Variants in PPP2R5E observed in about 807,000 individuals in gnomAD.
PPP2R5E encodes the protein protein phosphatase 2 regulatory subunit B'epsilon, also known as serine/threonine-protein phosphatase 2A 56 kDa regulatory subunit epsilon isoform.
Under a neutral mutation model 65.3 loss-of-function variants are expected in PPP2R5E, and 4 were observed. The observed-to-expected ratio is 0.06, with a 90% CI of 0.03 to 0.14. The LOEUF (loss-of-function observed/expected upper bound fraction) is 0.14. Among genes scored for constraint, PPP2R5E ranks in the 10% least tolerant of loss-of-function variants. The pLI is 1.00. For synonymous variants in PPP2R5E, 183 were observed against 187.4 expected (o/e 0.98, Z 0.19); for missense variants, 274 against 556.1 (o/e 0.49, Z 5.10).
rs1472260515 is a variant in PPP2R5E at position 63,476,096 on chromosome 14, A to C, written c.158-22211T>G. Among the ~76,000 whole-genome samples, 3 of 152,316 alleles carry C rather than the reference A, an allele frequency of 2.0e-5. No homozygotes were observed. The East Asian group carries it at 5.8e-4, about 29-fold the overall frequency. ...CATTGATAAACCTAAACAACAACAA[A>C]AAAAGTAAAAGCATTAACACAAGCT... On this transcript the variant is annotated intron_variant, in intron 2 of 13. Transcript: ENST00000337537.
rs1884883294 is a variant in PPP2R5E at position 63,389,497 on chromosome 14, G to C, written c.1074+115C>G. 4 of 1,213,622 alleles carry C rather than the reference G, an allele frequency of 3.3e-6. No individual in the cohort carries two copies. The Admixed American group carries it at 1.2e-4, about 37-fold the overall frequency. 75.2% of individuals were successfully genotyped at this position (1,213,622 alleles called of 1,614,324 possible). On this transcript the variant is annotated intron_variant, in intron 11 of 13. Transcript: ENST00000337537. ...GCCACTATTAAAATTATCATCATGT[G>C]AGGGGATAGCAAATAAACAATAGGT...
At chr14:63,414,216 T>C (rs1886563786) in intron 5 of PPP2R5E, among the ~76,000 whole-genome samples, 1 of 152,140 alleles carries the variant, frequency 6.6e-6, no homozygotes, top group South Asian at 2.1e-4. Context: ...GGAAATGAGA[T>C]CACAAAGGTT....
chr14:63,510,450 A>G (rs1255638), intron 2 of PPP2R5E, among the ~76,000 whole-genome samples: 59,544 of 152,194 alleles, frequency 0.39, 14,576 homozygotes, highest in African/African-American at 0.71. Context: ...ACAACTGTCA[A>G]GTGGTGATAA....
At chr14:63,425,665 T>A (rs1255614) in intron 3 of PPP2R5E, among the ~76,000 whole-genome samples, 1 of 152,258 alleles carries the variant, frequency 6.6e-6, no homozygotes, top group Non-Finnish European at 1.5e-5. Flanking sequence ...AATAACTAAT[T>A]AGGAATATAC....
intron 5 of PPP2R5E, among the ~76,000 whole-genome samples, chr14:63,413,457 G>A (rs1426014712): frequency 2.0e-5 from 3 of 152,148 alleles, no homozygotes; most frequent in African/African-American, 4.8e-5. Flanking sequence ...AAGGCATCAC[G>A]GCATGATGGA....
intron 2 of PPP2R5E, among the ~76,000 whole-genome samples, chr14:63,492,071 T>C (rs1399663572): frequency 6.6e-6 from 1 of 152,062 alleles, no homozygotes; most frequent in Non-Finnish European, 1.5e-5. Context: ...CCAGAAACTT[T>C]CTGTGTTCAC....
At chr14:63,398,294 T>C (rs574186668) in intron 5 of PPP2R5E, among the ~76,000 whole-genome samples, 1 of 152,158 alleles carries the variant, frequency 6.6e-6, no homozygotes, top group Non-Finnish European at 1.5e-5. Context: ...GCCAAAATAC[T>C]CTTGAGGGAA....
At chr14:63,511,816 C>T (rs138944088) in intron 2 of PPP2R5E, among the ~76,000 whole-genome samples, 4 of 152,182 alleles carry the variant, frequency 2.6e-5, no homozygotes, top group East Asian at 3.9e-4. Context: ...TGATGGCTCA[C>T]GTCTGTAATC....
At chr14:63,526,525 T>G (rs1210667003) in intron 2 of PPP2R5E, among the ~76,000 whole-genome samples, 3 of 152,066 alleles carry the variant, frequency 2.0e-5, no homozygotes, top group African/African-American at 7.2e-5. Context: ...TCTCTTTCTC[T>G]TTCTCTCTCT....
rs1566742160 is a variant in PPP2R5E at position 63,493,491 on chromosome 14, T to TGTGCGTGTGTGTGTGC, written c.158-39607_158-39606insGCACACACACACGCAC. ...CCAAATTACCGCGCGCGCGTGTGTGTGTGCGTGTGTGTGGTGGGGGGAGGG... is the reference window on the plus strand; with the variant it reads ...CCAAATTACCGCGCGCGCGTGTGTGTGTGCGTGTGTGTGTGCGTGCGTGTGTGTGGTGGGGGGAGGG... On this transcript the variant is annotated intron_variant, in intron 2 of 13. Coordinates refer to ENST00000337537, the MANE Select transcript of PPP2R5E (RefSeq NM_006246.5). 4.0e-5 allele frequency among the ~76,000 whole-genome samples: 5 copies of TGTGCGTGTGTGTGTGC among 125,732 alleles called. No individual in the cohort carries two copies. The East Asian group carries it at 1.2e-3, about 30-fold the overall frequency. 82.5% of individuals were successfully genotyped at this position (125,732 alleles called of 152,430 possible).
rs576905045 is a variant in PPP2R5E, at chr14:63,415,364, G to T, written c.457-132C>A. On this transcript the variant is annotated intron_variant, in intron 4 of 13. Transcript: ENST00000337537. ...ATTTTAATATCAATCAACAAACCAG[G>T]CCAGCCTTTCTTGTGGCTCACAGTT... 18 of 512,332 alleles carry T rather than the reference G, an allele frequency of 3.5e-5. No homozygotes were observed. In the South Asian group the frequency reaches 8.8e-4, roughly 25 times the overall value. 31.7% of individuals were successfully genotyped at this position (512,332 alleles called of 1,614,324 possible).
rs10553696 is a variant in PPP2R5E at position 63,509,267 on chromosome 14, CTTTTTTTTTTTT to C, written c.157+30250_157+30261del. Among the ~76,000 whole-genome samples the C allele has an allele frequency of 1.4e-3, 146 of 108,064 alleles. 1 individual carries two copies. The highest frequency in any genetic ancestry group is 5.8e-3 in the Middle Eastern group (1 of 172). The allele number at this position is 108,064 out of a possible 152,430, so 70.9% of individuals were successfully genotyped here. On this transcript the variant is annotated intron_variant, in intron 2 of 13. Transcript: ENST00000337537. ...AGAATTACCTTTATTTTAAAATATC[CTTTTTTTTTTTT>C]TTTTTTTTTTTTTGAAACAGGGTCT...
chr14:63,411,471 T>C (rs921344585), intron 5 of PPP2R5E, among the ~76,000 whole-genome samples: 1 of 151,826 alleles, frequency 6.6e-6, no homozygotes, highest in Non-Finnish European at 1.5e-5. Flanking sequence ...ATTGCATTGA[T>C]ATAGTTTGGT....
At position 63,462,312 on chromosome 14, in the gene PPP2R5E, C is replaced by T. The variant is rs58265143; in HGVS notation, c.158-8427G>A. Among the ~76,000 whole-genome samples the T allele has an allele frequency of 2.1e-4, 32 of 152,166 alleles. No individual in the cohort carries two copies. In the South Asian group the frequency reaches 6.2e-3, roughly 30 times the overall value. Reference sequence around the variant, plus strand: ...GTCTCAATCTCCTGACTTCATGATCCGCCCACCTCGGCCTCCCAAAGTGCT... The same window carrying T: ...GTCTCAATCTCCTGACTTCATGATCTGCCCACCTCGGCCTCCCAAAGTGCT... On this transcript the variant is annotated intron_variant, in intron 2 of 13. Coordinates refer to ENST00000337537, the MANE Select transcript of PPP2R5E (RefSeq NM_006246.5).
chr14:63,456,101 T>C (rs966998344), intron 2 of PPP2R5E, among the ~76,000 whole-genome samples: 1 of 152,212 alleles, frequency 6.6e-6, no homozygotes, highest in African/African-American at 2.4e-5. Flanking sequence ...TCGTTACAGG[T>C]CAAAATCTTT....
chr14:63,522,023 C>G (rs887042363), intron 2 of PPP2R5E, among the ~76,000 whole-genome samples: 11 of 142,680 alleles, frequency 7.7e-5, no homozygotes, highest in Admixed American at 1.4e-4. Context: ...GCTGCCATCT[C>G]GGCTCACTGC....
chr14:63,533,862 A>C (rs1893548504), intron 2 of PPP2R5E, among the ~76,000 whole-genome samples: 1 of 151,372 alleles, frequency 6.6e-6, no homozygotes, highest in African/African-American at 2.4e-5. Flanking sequence ...CAGGAGAATC[A>C]CTTGAACCTG....
In PPP2R5E at chr14:63,396,570, A is replaced by C. The variant is rs74353011; in HGVS notation, c.680+16T>G. 5 of 1,610,486 alleles carry C rather than the reference A, an allele frequency of 3.1e-6. No homozygotes were observed. The highest frequency in any genetic ancestry group is 4.2e-6 in the Non-Finnish European group (5 of 1,178,984). ...CAACTTTGCTTCTCCTTCTTCCCCC[A>C]TCACACTCCACTTACCTTAGAAAAA... On this transcript the variant is annotated intron_variant, in intron 6 of 13. Transcript: ENST00000337537.
chr14:63,382,042 C>T lies in PPP2R5E; in HGVS notation c.1304+14G>A, dbSNP rs1884395631. On this transcript the variant is annotated intron_variant, in intron 13 of 13. Coordinates refer to ENST00000337537, the MANE Select transcript of PPP2R5E (RefSeq NM_006246.5). ...GCTTTATGCACAGCTGACAAAAAAG[C>T]TTTAAAAAGTTACCGCTGACGATCT... 2.5e-6 allele frequency: 4 copies of T among 1,600,414 alleles called. No homozygotes were observed. Among genetic ancestry groups the T allele is most frequent in the African/African-American group, 2.7e-5 (2 of 74,670 alleles).
Sources: gnomAD v4.1 joint callset for allele counts (sites outside exome capture counted in the v4.1 genomes callset) on GRCh38, gnomAD v4.1.1 for gene constraint, MANE v1.5 for transcripts, NCBI Gene and HGNC (gene_info 2026-07-23, HGNC 2026-07-21) for gene names.